GRIA4: variants seen among roughly 807,000 people sequenced by gnomAD.
GRIA4 encodes glutamate ionotropic receptor AMPA type subunit 4.
A neutral mutation model predicts 104.0 loss-of-function variants in GRIA4; 34 were observed. The ratio of observed to expected loss-of-function variants is 0.33; its 90% confidence interval spans 0.25 to 0.44. The LOEUF (loss-of-function observed/expected upper bound fraction) is 0.44. GRIA4 is among the 20% of genes least tolerant of loss of function. GRIA4 has a pLI of 1.00. For synonymous variants in GRIA4, 386 were observed against 381.9 expected (o/e 1.01, Z -0.13); for missense variants, 750 against 1,096.5 (o/e 0.68, Z 4.46).
intron 3 of GRIA4, among the ~76,000 whole-genome samples, chr11:105,696,619 G>C (rs1417822359): frequency 1.3e-5 from 2 of 152,082 alleles, no homozygotes; most frequent in African/African-American, 4.8e-5. Flanking sequence ...TCCATCATTT[G>C]CTAGATACCA....
chr11:105,756,026 T>C (rs1489322744), intron 4 of GRIA4, among the ~76,000 whole-genome samples: 1 of 152,172 alleles, frequency 6.6e-6, no homozygotes, highest in African/African-American at 2.4e-5. Flanking sequence ...TCAGCCTCCA[T>C]AATTGCATGA....
intron 3 of GRIA4, among the ~76,000 whole-genome samples, chr11:105,654,738 T>C (rs1188133252): frequency 2.6e-5 from 4 of 152,128 alleles, no homozygotes; most frequent in Non-Finnish European, 4.4e-5. Flanking sequence ...CATACATTTC[T>C]TACAATGACT....
At chr11:105,791,384 T>C (rs1337374623) in intron 4 of GRIA4, among the ~76,000 whole-genome samples, 1 of 152,190 alleles carries the variant, frequency 6.6e-6, no homozygotes, top group Non-Finnish European at 1.5e-5. Context: ...AAAACAATGA[T>C]TGTGCATTTA....
chr11:105,721,448 C>T (rs1937812883), intron 3 of GRIA4, among the ~76,000 whole-genome samples: 2 of 152,014 alleles, frequency 1.3e-5, no homozygotes. Flanking sequence ...TTAATTATTA[C>T]CATAACATTC....
intron 6 of GRIA4, among the ~76,000 whole-genome samples, chr11:105,898,014 C>T (rs1363781381): frequency 3.3e-5 from 5 of 152,098 alleles, no homozygotes; most frequent in African/African-American, 1.2e-4. Context: ...CAATCAGAGG[C>T]ATTCAAGAAA....
intron 3 of GRIA4, among the ~76,000 whole-genome samples, chr11:105,673,955 T>C (rs1363272559): frequency 6.6e-6 from 1 of 152,000 alleles, no homozygotes; most frequent in Admixed American, 6.6e-5. Flanking sequence ...AAATGAATTT[T>C]AATGTGTTCC....
At chr11:105,902,755 G>A (rs964414392) in intron 7 of GRIA4, among the ~76,000 whole-genome samples, 2 of 152,160 alleles carry the variant, frequency 1.3e-5, no homozygotes, top group Non-Finnish European at 2.9e-5. Flanking sequence ...GGCATGGAAG[G>A]TGTTAATTAT....
chr11:105,894,522 C>T (rs1007948906), intron 6 of GRIA4, among the ~76,000 whole-genome samples: 4 of 152,114 alleles, frequency 2.6e-5, no homozygotes, highest in African/African-American at 4.8e-5. Flanking sequence ...GCTCGTATAC[C>T]TGGGCCTCTT....
intron 14 of GRIA4, among the ~76,000 whole-genome samples, chr11:105,949,956 T>C (rs1279139092): frequency 6.6e-6 from 1 of 152,202 alleles, no homozygotes; most frequent in Non-Finnish European, 1.5e-5. Flanking sequence ...TATCCTCATC[T>C]GTAAAATGGA....
At chr11:105,738,943 AACAAAAAAAACC>A in intron 3 of GRIA4, among the ~76,000 whole-genome samples, 1 of 115,216 alleles carries the variant, frequency 8.7e-6, no homozygotes, top group South Asian at 2.7e-4. Context: ...AAAAAAAAAA[AACAAAAAAAACC>A]CAAAAAAAAA....
At chr11:105,683,448 A>G (rs1952772978) in intron 3 of GRIA4, among the ~76,000 whole-genome samples, 1 of 152,118 alleles carries the variant, frequency 6.6e-6, no homozygotes, top group Admixed American at 6.5e-5. Flanking sequence ...CTTAAACTTA[A>G]CCAAGGCTCC....
chr11:105,877,060 C>T (rs887631115), intron 5 of GRIA4, among the ~76,000 whole-genome samples: 31 of 152,100 alleles, frequency 2.0e-4, no homozygotes, highest in African/African-American at 7.5e-4. Flanking sequence ...ACCAGTTTTT[C>T]CTTTCCATAT....
chr11:105,835,391 G>A (rs963080071), intron 4 of GRIA4, among the ~76,000 whole-genome samples: 7 of 152,042 alleles, frequency 4.6e-5, no homozygotes, highest in African/African-American at 1.2e-4. Flanking sequence ...AGCTAGATGT[G>A]ATATGATTTA....
chr11:105,696,415 A>G lies in GRIA4; in HGVS notation c.248-56566A>G, dbSNP rs147566586. 3.5e-3 allele frequency among the ~76,000 whole-genome samples: 540 copies of G among 152,330 alleles called. 2 individuals carry two copies. The highest frequency in any genetic ancestry group is 0.012 in the African/African-American group (516 of 41,572). ...CAAAATAAAACCTTAATAAATATTT[A>G]CTGATTTAGTGAAACCATTTATTTT... On this transcript the variant is annotated intron_variant, in intron 3 of 16. Coordinates refer to ENST00000282499, the MANE Select transcript of GRIA4 (RefSeq NM_000829.4).
chr11:105,618,032 A>G (rs1222619603), intron 3 of GRIA4, among the ~76,000 whole-genome samples: 1 of 151,952 alleles, frequency 6.6e-6, no homozygotes, highest in African/African-American at 2.4e-5. Context: ...AGAACAAGGA[A>G]GGAGAGCATG....
intron 10 of GRIA4, chr11:105,912,520 TTATATATATATAAATATATATATATTTA>T (rs1555046492): frequency 8.7e-6 from 3 of 344,692 alleles, no homozygotes; most frequent in Non-Finnish European, 8.0e-6. Flanking sequence ...TCCAACTGTT[TTATATATATATAAATATATATATATTTA>T]TATATATATA....
intron 4 of GRIA4, among the ~76,000 whole-genome samples, chr11:105,830,568 C>G (rs1943938414): frequency 6.6e-6 from 1 of 151,978 alleles, no homozygotes; most frequent in Non-Finnish European, 1.5e-5. Flanking sequence ...TAGATCTCAG[C>G]AGGTTTTCTG....
At chr11:105,617,909 A>G (rs1950641592) in intron 3 of GRIA4, among the ~76,000 whole-genome samples, 1 of 152,014 alleles carries the variant, frequency 6.6e-6, no homozygotes, top group African/African-American at 2.4e-5. Flanking sequence ...AAACATTGCT[A>G]GGAGAGAGAT....
intron 3 of GRIA4, among the ~76,000 whole-genome samples, chr11:105,648,186 G>A (rs966909439): frequency 1.5e-4 from 22 of 151,704 alleles, no homozygotes; most frequent in East Asian, 1.3e-3. Flanking sequence ...GAGAGTGGAA[G>A]TCGATATAGT....
Sources: allele counts gnomAD v4.1 joint callset (sites outside exome capture counted in the v4.1 genomes callset), GRCh38; gene constraint gnomAD v4.1.1; transcripts MANE v1.5; gene names NCBI Gene and HGNC (gene_info 2026-07-23, HGNC 2026-07-21).